The following SCML4 variants were observed in gnomAD, a reference collection of about 807,000 sequenced individuals.
The protein encoded by SCML4 is Scm polycomb group protein like 4.
In SCML4, 34 loss-of-function variants were observed where a neutral mutation model predicts 41.1. The observed-to-expected ratio is 0.83, with a 90% CI of 0.63 to 1.10. The LOEUF is 1.10. Ranked by LOEUF, SCML4 falls within the 50% of genes least tolerant of loss-of-function variation. SCML4 has a pLI of 0.00. For synonymous variants in SCML4, 214 were observed against 220.9 expected, an observed-to-expected ratio of 0.97 and a Z score of 0.28; for missense variants, 522 against 534.1, an observed-to-expected ratio of 0.98 and a Z score of 0.22.
At chr6:107,714,099 G>A (rs1426017553) in intron 6 of SCML4, among the ~76,000 whole-genome samples, 2 of 152,156 alleles carry the variant, frequency 1.3e-5, no homozygotes, top group Admixed American at 6.5e-5. Flanking sequence ...ATGCCATGTG[G>A]TGAGAGAGAT....
chr6:107,842,298 TTTTTAAAGTG>T, the SCML4 span, among the ~76,000 whole-genome samples: 1 of 152,226 alleles, frequency 6.6e-6, no homozygotes, highest in African/African-American at 2.4e-5. Flanking sequence ...AAATTTCCAG[TTTTTAAAGTG>T]TTTTAAGATT....
chr6:107,841,334 T>C, the SCML4 span, among the ~76,000 whole-genome samples: 2 of 152,208 alleles, frequency 1.3e-5, no homozygotes, highest in African/African-American at 4.8e-5. Flanking sequence ...ATCACCTTTC[T>C]AATAGGTTAA....
rs1226766481 is a variant in SCML4, at chr6:107,759,197, G to T, written c.157-9384C>A. On this transcript the variant is annotated intron_variant, in intron 2 of 7. Coordinates refer to ENST00000369020, the MANE Select transcript of SCML4 (RefSeq NM_198081.5). Reference sequence around the variant, plus strand: ...CAAAAAAAAACTGGCTGGGTGTGGTGGCATGCACCTTAGTCCCAGCTACTT... The same window carrying T: ...CAAAAAAAAACTGGCTGGGTGTGGTTGCATGCACCTTAGTCCCAGCTACTT... Among the ~76,000 whole-genome samples, 13 of 151,646 alleles carry T rather than the reference G, an allele frequency of 8.6e-5. No individual in the cohort carries two copies. The East Asian group carries it at 1.7e-3, about 20-fold the overall frequency.
chr6:107,839,311 AGT>A, the SCML4 span, among the ~76,000 whole-genome samples: 4 of 120,004 alleles, frequency 3.3e-5, no homozygotes, highest in Admixed American at 9.7e-5. Flanking sequence ...GAAAAGAGAG[AGT>A]GAGAGGAAAG....
intron 5 of SCML4, among the ~76,000 whole-genome samples, chr6:107,735,818 A>T (rs1777014523): frequency 6.6e-6 from 1 of 150,716 alleles, no homozygotes; most frequent in Non-Finnish European, 1.5e-5. Flanking sequence ...AAAAAAAATT[A>T]TCATCTTTAC....
chr6:107,793,339 G>A (rs1161532899), intron 1 of SCML4, among the ~76,000 whole-genome samples: 1 of 152,330 alleles, frequency 6.6e-6, no homozygotes, highest in South Asian at 2.1e-4. Context: ...TGAGATACCA[G>A]GTATCACAGC....
intron 5 of SCML4, among the ~76,000 whole-genome samples, chr6:107,744,286 C>T (rs769348631): frequency 6.6e-6 from 1 of 152,162 alleles, no homozygotes. Context: ...GTCATGTATG[C>T]CTGTGTGGCC....
chr6:107,746,789 C>T lies in SCML4; in HGVS notation c.387G>A (p.Ala129=), dbSNP rs975818673. Residue 129 remains alanine (A), a synonymous_variant, in exon 4 of 8, where the codon GCG becomes GCA. Transcript: ENST00000369020. The part of the protein sequence containing the change: ...PEHFGPERPS[A]VLQQAVQACI... ...AGGCTTGGACGGCCTGCTGCAGCACCGCCGATGGCCGCTCGGGCCCAAAAT... is the reference window on the plus strand; with the variant it reads ...AGGCTTGGACGGCCTGCTGCAGCACTGCCGATGGCCGCTCGGGCCCAAAAT... 4.3e-6 allele frequency: 7 copies of T among 1,613,988 alleles called. No individual in the cohort carries two copies. In the African/African-American group the frequency reaches 5.3e-5, roughly 12 times the overall value.
chr6:107,777,558 A>G (rs553627804), intron 1 of SCML4, among the ~76,000 whole-genome samples: 9 of 152,166 alleles, frequency 5.9e-5, no homozygotes, highest in Non-Finnish European at 1.3e-4. Flanking sequence ...TTGTTTTCTA[A>G]CAGTTTTTGT....
chr6:107,804,248 C>CGTGTGTGT (rs1554223036), intron 1 of SCML4, among the ~76,000 whole-genome samples: 5,162 of 150,120 alleles, frequency 0.034, 287 homozygotes, highest in African/African-American at 0.11. Context: ...AAACATGAAA[C>CGTGTGTGT]GTGTGTGTGT....
chr6:107,839,102 C>T, the SCML4 span, among the ~76,000 whole-genome samples: 3 of 152,008 alleles, frequency 2.0e-5, no homozygotes, highest in African/African-American at 7.3e-5. Context: ...CAGTTCAAGA[C>T]CAGCCTGGGC....
At chr6:107,706,630 G>A (rs1433347449) in intron 7 of SCML4, among the ~76,000 whole-genome samples, 1 of 152,174 alleles carries the variant, frequency 6.6e-6, no homozygotes, top group African/African-American at 2.4e-5. Context: ...GTTGCAGATG[G>A]GATTAAGCTT....
chr6:107,798,011 TTTTA>T lies in SCML4; in HGVS notation c.-59-25629_-59-25626del, dbSNP rs539494013. Among the ~76,000 whole-genome samples the T allele has an allele frequency of 3.2e-3, 491 of 152,142 alleles. 2 individuals are homozygous for T. Among genetic ancestry groups the T allele is most frequent in the African/African-American group, 0.011 (471 of 41,576 alleles). On this transcript the variant is annotated intron_variant, in intron 1 of 7. Coordinates refer to ENST00000369020, the MANE Select transcript of SCML4 (RefSeq NM_198081.5). ...ACTATCCATTTTATGAGTTGATGAA[TTTTA>T]TTTGTTAATAATTTCTTAAGGATTT...
At chr6:107,841,957 A>G in the SCML4 span, among the ~76,000 whole-genome samples, 3 of 151,978 alleles carry the variant, frequency 2.0e-5, no homozygotes, top group African/African-American at 7.3e-5. Flanking sequence ...TCCTTCCTTC[A>G]GCTTGCTTTG....
chr6:107,740,731 A>C (rs1456532790), intron 5 of SCML4, among the ~76,000 whole-genome samples: 1 of 152,218 alleles, frequency 6.6e-6, no homozygotes, highest in Non-Finnish European at 1.5e-5. Context: ...GAAGAGTTGC[A>C]TTTGTCCATG....
chr6:107,741,372 G>A (rs1777583952), intron 5 of SCML4, among the ~76,000 whole-genome samples: 1 of 152,198 alleles, frequency 6.6e-6, no homozygotes, highest in South Asian at 2.1e-4. Context: ...TAGAAAAAGT[G>A]AGATCAAGGT....
intron 1 of SCML4, among the ~76,000 whole-genome samples, chr6:107,803,016 G>A (rs1300127634): frequency 6.6e-6 from 1 of 151,744 alleles, no homozygotes; most frequent in Admixed American, 6.6e-5. Flanking sequence ...GAGGTGCCGG[G>A]ATGGCAGACG....
At chr6:107,813,382 A>C (rs1784320353) in intron 1 of SCML4, among the ~76,000 whole-genome samples, 1 of 15,782 alleles carries the variant, frequency 6.3e-5, no homozygotes, top group African/African-American at 2.0e-4. Context: ...ATATATATAT[A>C]TATATATATA....
intron 5 of SCML4, among the ~76,000 whole-genome samples, chr6:107,721,885 G>A (rs982794317): frequency 2.0e-5 from 3 of 152,018 alleles, no homozygotes; most frequent in Non-Finnish European, 2.9e-5. Flanking sequence ...TCACAGGAGA[G>A]CTAAAGAGCC....
Sources: gnomAD v4.1 joint callset for allele counts (sites outside exome capture counted in the v4.1 genomes callset) on GRCh38, gnomAD v4.1.1 for gene constraint, MANE v1.5 for transcripts, NCBI Gene and HGNC (gene_info 2026-07-23, HGNC 2026-07-21) for gene names.